The following SERINC5 variants were observed in gnomAD, a reference collection of about 807,000 sequenced individuals.
SERINC5 encodes chromosome 5 open reading frame 12.
In SERINC5, 41 loss-of-function variants were observed where a neutral mutation model predicts 63.1. That is an observed-to-expected ratio of 0.65 (90% CI 0.51 to 0.84). The LOEUF is 0.84. Ranked by LOEUF, SERINC5 falls within the 40% of genes least tolerant of loss-of-function variation. SERINC5 has a pLI of 0.00. For synonymous variants in SERINC5, 222 were observed against 215.2 expected, an observed-to-expected ratio of 1.03 and a Z score of -0.28; for missense variants, 523 against 573.0, an observed-to-expected ratio of 0.91 and a Z score of 0.89.
chr5:80,135,835 C>T (rs1745148119), downstream of SERINC5, among the ~76,000 whole-genome samples: 1 of 149,296 alleles, frequency 6.7e-6, no homozygotes, highest in Non-Finnish European at 1.5e-5. Flanking sequence ...AAATCAAAAG[C>T]TGGGAGAGCT....
intron 1 of SERINC5, among the ~76,000 whole-genome samples, chr5:80,243,775 A>G (rs1324792851): frequency 6.6e-6 from 1 of 151,124 alleles, no homozygotes; most frequent in Non-Finnish European, 1.5e-5. Context: ...AAATAAATAA[A>G]TAAATAAATA....
At chr5:80,185,393 A>C (rs1206613086) in intron 2 of SERINC5, among the ~76,000 whole-genome samples, 1 of 152,180 alleles carries the variant, frequency 6.6e-6, no homozygotes, top group African/African-American at 2.4e-5. Context: ...CATTTCATGG[A>C]GTTGCCTGAG....
rs747202770 is a variant in SERINC5 at position 80,150,996 on chromosome 5, C to G, written c.987-48G>C. ...AGCTGGGCATATTAACACATTACAA[C>G]ACATGGAATGAAGGGGAAAGCCGGC... On this transcript the variant is annotated intron_variant, in intron 8 of 11. Coordinates refer to ENST00000507668, the MANE Select transcript of SERINC5 (RefSeq NM_001174072.3). 23 of 1,395,900 alleles carry G rather than the reference C, an allele frequency of 1.6e-5. No individual in the cohort carries two copies. In the South Asian group the frequency reaches 2.7e-4, roughly 16 times the overall value. The allele number at this position is 1,395,900 out of a possible 1,614,324, so 86.5% of individuals were successfully genotyped here.
intron 1 of SERINC5, chr5:80,203,257 C>CACACACACACACACACACACATATATAT (rs1554067829): frequency 3.9e-6 from 1 of 255,246 alleles, no homozygotes; most frequent in African/African-American, 2.3e-5. Flanking sequence ...TATATATACA[C>CACACACACACACACACACACATATATAT]ATATATATAT....
At chr5:80,119,776 T>C (rs1337451963) in intron 11 of SERINC5, among the ~76,000 whole-genome samples, 1 of 152,222 alleles carries the variant, frequency 6.6e-6, no homozygotes, top group African/African-American at 2.4e-5. Context: ...CTTGTTTAAA[T>C]GCACATTTTT....
At chr5:80,178,374 C>T (rs1748184381) in intron 2 of SERINC5, among the ~76,000 whole-genome samples, 1 of 130,354 alleles carries the variant, frequency 7.7e-6, no homozygotes, top group South Asian at 3.0e-4. Flanking sequence ...CACCCCCGAC[C>T]CCAAGACAAG....
chr5:80,135,472 G>T (rs895015910), downstream of SERINC5, among the ~76,000 whole-genome samples: 1 of 152,124 alleles, frequency 6.6e-6, no homozygotes, highest in African/African-American at 2.4e-5. Flanking sequence ...AAAAAGACAA[G>T]TTATCTGCCT....
intron 1 of SERINC5, among the ~76,000 whole-genome samples, chr5:80,221,067 G>A (rs886819178): frequency 2.0e-5 from 3 of 152,142 alleles, no homozygotes; most frequent in East Asian, 1.9e-4. Flanking sequence ...GAGAGCACTC[G>A]GCCATGCTAG....
Position 80,140,332 on chromosome 5 carries a change from A to AAT in SERINC5, c.*3330_*3331insAT. ...AAAAAAAAAAAAAAAAAAAAAAAAA[A>AAT]GGCTTAGGGTGACAATTTTGACATG... On this transcript the variant is annotated 3_prime_UTR_variant, in exon 12 of 12. Transcript: ENST00000507668. 2 of 713,186 alleles carry AAT rather than the reference A, an allele frequency of 2.8e-6. No homozygotes were observed. Among genetic ancestry groups the AAT allele is most frequent in the Non-Finnish European group, 3.4e-6 (2 of 594,728 alleles). 44.2% of individuals were successfully genotyped at this position (713,186 alleles called of 1,614,324 possible). A position where few individuals can be genotyped will look rare whatever the true frequency, so the allele number is the denominator to read the frequency against.
chr5:80,180,306 A>C (rs2112425367), intron 2 of SERINC5, among the ~76,000 whole-genome samples: 1 of 152,364 alleles, frequency 6.6e-6, no homozygotes, highest in Non-Finnish European at 1.5e-5. Context: ...AACAGAAAAT[A>C]AATCACATTA....
At chr5:80,132,764 C>T (rs2112259528) in intron 11 of SERINC5, among the ~76,000 whole-genome samples, 1 of 152,096 alleles carries the variant, frequency 6.6e-6, no homozygotes, top group East Asian at 1.9e-4. Flanking sequence ...CGTGCCTGGC[C>T]CTTAGTTCTT....
chr5:80,143,891 G>GTAT, intron 11 of SERINC5, 81 bp from the exon 12 acceptor site: 1 of 1,461,434 alleles, frequency 6.8e-7, no homozygotes, highest in Non-Finnish European at 9.2e-7. Context: ...CATTTATAAT[G>GTAT]TATAATTCAA....
chr5:80,230,444 A>G (rs1751383928), intron 1 of SERINC5, among the ~76,000 whole-genome samples: 1 of 81,680 alleles, frequency 1.2e-5, no homozygotes, highest in African/African-American at 3.7e-5. Flanking sequence ...CAAGACTGTC[A>G]CAAAAAAAAA....
intron 11 of SERINC5, chr5:80,116,363 C>G (rs1744321910): frequency 2.2e-6 from 1 of 456,044 alleles, no homozygotes; most frequent in Non-Finnish European, 4.4e-6. Context: ...CCTTGTGTTC[C>G]CTTCCTCTTC....
At position 80,140,890 on chromosome 5, in the gene SERINC5, CTT is replaced by C; in HGVS notation, c.*2771_*2772del. On this transcript the variant is annotated 3_prime_UTR_variant, in exon 12 of 12. Coordinates refer to ENST00000507668, the MANE Select transcript of SERINC5 (RefSeq NM_001174072.3). ...GACCAGCAGCTTCTGGGAATATACTCTTTAGGTCATGTACAAAAAGGTGTAGG... is the reference window on the plus strand; with the variant it reads ...GACCAGCAGCTTCTGGGAATATACTCTAGGTCATGTACAAAAAGGTGTAGG... 3 of 985,266 alleles carry C rather than the reference CTT, an allele frequency of 3.0e-6. No homozygotes were observed. The highest frequency in any genetic ancestry group is 3.6e-6 in the Non-Finnish European group (3 of 829,850). The allele number at this position is 985,266 out of a possible 1,614,324, so 61.0% of individuals were successfully genotyped here.
In SERINC5 at chr5:80,140,945, T is replaced by C. The variant is rs549441143; in HGVS notation, c.*2718A>G. On this transcript the variant is annotated 3_prime_UTR_variant, in exon 12 of 12. Transcript: ENST00000507668. ...GCAAATGTCTATTATTTTTAAAAGATATCAGTGAGTTAATCAAATTAACAC... is the reference window on the plus strand; with the variant it reads ...GCAAATGTCTATTATTTTTAAAAGACATCAGTGAGTTAATCAAATTAACAC... 6.1e-6 allele frequency: 6 copies of C among 985,374 alleles called. No homozygotes were observed. The East Asian group carries it at 3.4e-4, about 56-fold the overall frequency. 61.0% of individuals were successfully genotyped at this position (985,374 alleles called of 1,614,324 possible).
intron 5 of SERINC5, among the ~76,000 whole-genome samples, chr5:80,173,595 C>CAAAAGAAAAGAAAAG (rs60584691): frequency 4.0e-5 from 6 of 151,080 alleles, no homozygotes; most frequent in South Asian, 2.1e-4. Context: ...GACTCTGTCT[C>CAAAAGAAAAGAAAAG]AAAAGAAAAG....
In SERINC5 at chr5:80,243,743, TTAAATAAATAAA is replaced by T. The variant is rs70982044; in HGVS notation, c.27+12141_27+12152del. 2.8e-3 allele frequency among the ~76,000 whole-genome samples: 391 copies of T among 140,074 alleles called. 2 individuals are homozygous for T. The highest frequency in any genetic ancestry group is 8.3e-3 in the African/African-American group (315 of 37,800). The allele number at this position is 140,074 out of a possible 152,430, so 91.9% of individuals were successfully genotyped here. A position where few individuals can be genotyped will look rare whatever the true frequency, so the allele number is the denominator to read the frequency against. ...CAACATAGTGAGAGCCTGTCTCTAT[TTAAATAAATAAA>T]TAAATAAATAAATAAATAAATAAAT... On this transcript the variant is annotated intron_variant, in intron 1 of 11. Coordinates refer to ENST00000507668, the MANE Select transcript of SERINC5 (RefSeq NM_001174072.3).
downstream of SERINC5, among the ~76,000 whole-genome samples, chr5:80,135,748 G>A (rs566812674): frequency 4.5e-4 from 68 of 151,894 alleles, no homozygotes; most frequent in African/African-American, 1.6e-3. Context: ...TGGAAGAGAT[G>A]GGGGCAATGA....
Sources: gnomAD v4.1 joint callset for allele counts (sites outside exome capture counted in the v4.1 genomes callset) on GRCh38, gnomAD v4.1.1 for gene constraint, MANE v1.5 for transcripts, NCBI Gene and HGNC (gene_info 2026-07-23, HGNC 2026-07-21) for gene names.